Variants in PCDH15 observed in about 807,000 individuals in gnomAD.
The protein encoded by PCDH15 is protocadherin related 15.
In PCDH15, 129 loss-of-function variants were observed where a neutral mutation model predicts 178.5. The observed-to-expected ratio is 0.72, with a 90% CI of 0.63 to 0.84. The LOEUF (loss-of-function observed/expected upper bound fraction) is 0.84. Ranked by LOEUF, PCDH15 falls within the 40% of genes least tolerant of loss-of-function variation. The probability of loss-of-function intolerance (pLI) is 0.00; values close to 1 mark genes in which losing one functional copy is unlikely to be tolerated. For missense variants in PCDH15, 2,230 were observed against 2,099.9 expected, an observed-to-expected ratio of 1.06 and a Z score of -1.21; for synonymous variants, 800 against 732.0, an observed-to-expected ratio of 1.09 and a Z score of -1.50.
At chr10:53,864,333 T>TAAAC (rs1026255792) in intron 27 of PCDH15, among the ~76,000 whole-genome samples, 1 of 150,008 alleles carries the variant, frequency 6.7e-6, no homozygotes, top group South Asian at 2.1e-4. Context: ...TTCCTAAAGC[T>TAAAC]AAACAAACAA....
chr10:55,534,296 G>A (rs1841522748), intron 2 of PCDH15, among the ~76,000 whole-genome samples: 1 of 151,940 alleles, frequency 6.6e-6, no homozygotes, highest in Non-Finnish European at 1.5e-5. Flanking sequence ...CCTAAAGAAT[G>A]GCAGAAGATA....
At chr10:53,987,097 A>G (rs1319657636) in intron 21 of PCDH15, among the ~76,000 whole-genome samples, 1 of 152,196 alleles carries the variant, frequency 6.6e-6, no homozygotes, top group Non-Finnish European at 1.5e-5. Flanking sequence ...AGAAAAGAAT[A>G]TCTAAATATA....
chr10:54,814,487 A>T (rs1448702053), intron 3 of PCDH15, among the ~76,000 whole-genome samples: 1 of 152,184 alleles, frequency 6.6e-6, no homozygotes, highest in Non-Finnish European at 1.5e-5. Flanking sequence ...TGTGGTCATT[A>T]TACCACATTT....
At chr10:54,140,890 G>C (rs11527495) in intron 14 of PCDH15, among the ~76,000 whole-genome samples, 39,500 of 151,898 alleles carry the variant, frequency 0.26, 6,363 homozygotes, top group East Asian at 0.87. Context: ...CACCATGTTG[G>C]CCATGATAGT....
At position 55,010,145 on chromosome 10, in the gene PCDH15, C is replaced by T. The variant is rs112361315; in HGVS notation, c.-79-112645G>A. Reference sequence around the variant, plus strand: ...ATGGACCAATCACTCATTACAGAAACCCATTATGCACCAGCAAGTCTAATA... The same window carrying T: ...ATGGACCAATCACTCATTACAGAAATCCATTATGCACCAGCAAGTCTAATA... On this transcript the variant is annotated intron_variant, in intron 2 of 5. Coordinates refer to the PCDH15 transcript ENST00000458638. Among the ~76,000 whole-genome samples, 864 of 151,982 alleles carry T rather than the reference C, an allele frequency of 5.7e-3. 11 individuals are homozygous for T. Among genetic ancestry groups the T allele is most frequent in the African/African-American group, 0.02 (816 of 41,458 alleles).
chr10:54,501,962 A>T (rs746873498), intron 3 of PCDH15, among the ~76,000 whole-genome samples: 9 of 151,934 alleles, frequency 5.9e-5, no homozygotes, highest in Non-Finnish European at 1.2e-4. Context: ...CACATGCTAG[A>T]TTGCTCTTCT....
intron 9 of PCDH15, among the ~76,000 whole-genome samples, chr10:54,231,861 G>A (rs2054110827): frequency 1.3e-5 from 2 of 152,154 alleles, no homozygotes; most frequent in Non-Finnish European, 2.9e-5. Context: ...TTTTTGGAAT[G>A]GGTGTATTCA....
chr10:54,269,335 C>A (rs1040891081), intron 8 of PCDH15, among the ~76,000 whole-genome samples: 2 of 151,972 alleles, frequency 1.3e-5, no homozygotes, highest in East Asian at 3.9e-4. Flanking sequence ...TGTATAAAAA[C>A]GACTTTGTAA....
chr10:54,602,412 C>A (rs1157429182), intron 2 of PCDH15, among the ~76,000 whole-genome samples: 2 of 151,864 alleles, frequency 1.3e-5, no homozygotes, highest in South Asian at 2.1e-4. Context: ...ACTTTTCTGC[C>A]TATACACCTA....
At chr10:55,580,331 T>C (rs1240178966) in intron 2 of PCDH15, among the ~76,000 whole-genome samples, 1 of 151,840 alleles carries the variant, frequency 6.6e-6, no homozygotes, top group Non-Finnish European at 1.5e-5. Context: ...TATATGGCTA[T>C]ATGGCTTCTT....
chr10:55,417,063 G>A (rs1589006630), intron 2 of PCDH15, among the ~76,000 whole-genome samples: 1 of 151,676 alleles, frequency 6.6e-6, no homozygotes, highest in East Asian at 1.9e-4. Context: ...CAATGAGCTA[G>A]GAATATTTTT....
At chr10:54,279,706 A>C (rs2132684034) in intron 8 of PCDH15, among the ~76,000 whole-genome samples, 1 of 151,840 alleles carries the variant, frequency 6.6e-6, no homozygotes, top group African/African-American at 2.4e-5. Context: ...TCTTTTAATT[A>C]TCCCTGCCCT....
intron 1 of PCDH15, among the ~76,000 whole-genome samples, chr10:55,255,834 A>G (rs944078540): frequency 2.6e-5 from 4 of 152,136 alleles, no homozygotes; most frequent in Non-Finnish European, 4.4e-5. Flanking sequence ...AGTTCATTGT[A>G]GATTCTAGAT....
rs2135283245 is a variant in PCDH15, at chr10:54,020,296, C to T, written c.2647G>A (p.Glu883Lys). The change falls in exon 20 of 38, where the codon GAG becomes AAG. Residue 883 changes from glutamate (E) to lysine (K), a missense_variant. Glu to Lys is a moderately conservative substitution (Grantham distance 56). Coordinates refer to ENST00000644397, the MANE Select transcript of PCDH15 (RefSeq NM_001384140.1). ...CTTGCTTCTTGGTCTGGAAATGCCT[C>T]ATAATCTAAACTCCTTAAAAGCGAT... is the stretch of plus-strand genomic sequence containing the variant. ...ELSLLRSLDY[E>K]AFPDQEASIT... 1 of 1,613,768 alleles carries T rather than the reference C, an allele frequency of 6.2e-7. No individual in the cohort carries two copies. The highest frequency in any genetic ancestry group is 8.5e-7 in the Non-Finnish European group (1 of 1,179,796).
At chr10:53,981,559 G>A (rs903953886) in intron 21 of PCDH15, among the ~76,000 whole-genome samples, 1 of 151,744 alleles carries the variant, frequency 6.6e-6, no homozygotes, top group Non-Finnish European at 1.5e-5. Flanking sequence ...AGAAAAACAA[G>A]CAATGGGGAA....
chr10:54,736,618 G>A (rs1408055556), intron 1 of PCDH15, among the ~76,000 whole-genome samples: 1 of 152,064 alleles, frequency 6.6e-6, no homozygotes, highest in Non-Finnish European at 1.5e-5. Context: ...GCAGTTGTGT[G>A]TAGTTTTTGT....
At chr10:55,329,208 T>G (rs1844128352) in intron 2 of PCDH15, among the ~76,000 whole-genome samples, 1 of 63,788 alleles carries the variant, frequency 1.6e-5, no homozygotes, top group African/African-American at 9.6e-5. Context: ...TCATGGGATC[T>G]GGGAATTCAA....
In PCDH15 at chr10:55,076,764, C is replaced by CTT. The variant is rs902966495; in HGVS notation, c.-80+89810_-80+89811dup. 6.9e-3 allele frequency among the ~76,000 whole-genome samples: 737 copies of CTT among 106,668 alleles called. 4 individuals carry two copies. The highest frequency in any genetic ancestry group is 0.011 in the African/African-American group (282 of 26,130). 70.0% of individuals were successfully genotyped at this position (106,668 alleles called of 152,430 possible). Reference sequence around the variant, plus strand: ...TGAGCCATCATGTGTGGCCTGTGACCTTTTTTTTTTTTTTTTTTTTTTTGA... The same window carrying CTT: ...TGAGCCATCATGTGTGGCCTGTGACCTTTTTTTTTTTTTTTTTTTTTTTTTGA... On this transcript the variant is annotated intron_variant, in intron 2 of 5. Transcript: ENST00000458638.
chr10:54,135,977 C>T (rs2042870164), intron 14 of PCDH15, among the ~76,000 whole-genome samples: 1 of 152,128 alleles, frequency 6.6e-6, no homozygotes, highest in African/African-American at 2.4e-5. Flanking sequence ...TAATAAATTA[C>T]TCAAAATAAG....
Sources: allele counts gnomAD v4.1 joint callset (sites outside exome capture counted in the v4.1 genomes callset), GRCh38; gene constraint gnomAD v4.1.1; transcripts MANE v1.5; gene names NCBI Gene and HGNC (gene_info 2026-07-23, HGNC 2026-07-21).